C1orf116: variants seen among roughly 807,000 people sequenced by gnomAD.
C1orf116 encodes the protein specifically androgen-regulated gene protein.
C1orf116 carries 12 observed loss-of-function variants against 14.1 expected under a neutral mutation model. That is an observed-to-expected ratio of 0.85 (90% CI 0.54 to 1.38). The LOEUF (loss-of-function observed/expected upper bound fraction) is 1.38. C1orf116 is among the 40% of genes most tolerant of loss of function. The pLI is 0.00. For synonymous variants in C1orf116, 296 were observed against 299.0 expected (o/e 0.99, Z 0.10); for missense variants, 797 against 747.0 (o/e 1.07, Z -0.78).
chr1:207,025,338 C>G (rs1347413063), intron 2 of C1orf116, among the ~76,000 whole-genome samples: 1 of 152,192 alleles, frequency 6.6e-6, no homozygotes, highest in Non-Finnish European at 1.5e-5. Context: ...AGCTCTGGAG[C>G]TGGGCAGGCA....
chr1:207,032,136 C>A (rs1016734158), intron 1 of C1orf116, among the ~76,000 whole-genome samples: 1 of 152,076 alleles, frequency 6.6e-6, no homozygotes, highest in African/African-American at 2.4e-5. Context: ...AAATAAAGAT[C>A]GACACCGAGT....
chr1:207,026,275 G>GC (rs1682070416), intron 2 of C1orf116, among the ~76,000 whole-genome samples: 1 of 152,190 alleles, frequency 6.6e-6, no homozygotes, highest in Non-Finnish European at 1.5e-5. Flanking sequence ...CCCAAATATA[G>GC]CCCCTGGAAG....
chr1:207,024,207 G>A (rs993601809), intron 3 of C1orf116, among the ~76,000 whole-genome samples: 11 of 152,300 alleles, frequency 7.2e-5, no homozygotes, highest in African/African-American at 2.2e-4. Context: ...AAAGCCCTAC[G>A]TCCCCATTTA....
Position 207,022,878 on chromosome 1 carries a change from G to T in C1orf116, c.886C>A (p.Pro296Thr). ...TTAGGTGGCAGCTTCCGGGGCTTAG[G>T]GGTTGTGAGGGGAGCTAGTCGGCTG... is the stretch of plus-strand genomic sequence containing the variant. ...PNSRLAPLTT[P>T]KPRKLPPNIV... Residue 296 changes from proline to threonine, a missense_variant, in exon 4 of 4, where the codon CCT becomes ACT. By Grantham distance (38) the Pro-to-Thr change is conservative (BLOSUM62 -1). Transcript: ENST00000359470. 1 of 1,614,062 alleles carries T rather than the reference G, an allele frequency of 6.2e-7. No homozygotes were observed. Among genetic ancestry groups the T allele is most frequent in the Non-Finnish European group, 8.5e-7 (1 of 1,179,982 alleles).
chr1:207,026,576 A>G (rs1179132548), intron 2 of C1orf116, among the ~76,000 whole-genome samples: 1 of 152,062 alleles, frequency 6.6e-6, no homozygotes, highest in Non-Finnish European at 1.5e-5. Flanking sequence ...TTCTTTCTCT[A>G]CTCTATTTTT....
chr1:207,023,990 A>G (rs986030998), intron 3 of C1orf116, among the ~76,000 whole-genome samples: 1 of 152,236 alleles, frequency 6.6e-6, no homozygotes, highest in Non-Finnish European at 1.5e-5. Context: ...GGCCTCCCAG[A>G]TAACTGAGCC....
chr1:207,023,964 C>T (rs1250280541), intron 3 of C1orf116, among the ~76,000 whole-genome samples: 1 of 152,234 alleles, frequency 6.6e-6, no homozygotes, highest in Admixed American at 6.5e-5. Context: ...TGGGACAGTT[C>T]CTTCTAGCTA....
chr1:207,023,020 G>T lies in C1orf116; in HGVS notation c.744C>A (p.Ser248=). 2.0e-5 allele frequency: 32 copies of T among 1,613,780 alleles called. No individual in the cohort carries two copies. Among genetic ancestry groups the T allele is most frequent in the Non-Finnish European group, 2.7e-5 (32 of 1,180,016 alleles). ...EREQTPSEAM[S]QKAKETVSTR... is the part of the protein sequence containing the mutation. ...TTGAGACTGTTTCCTTGGCTTTTTG[G>T]GACATGGCTTCTGAAGGAGTCTGCT... The change falls in exon 4 of 4, where the codon TCC becomes TCA. Residue 248 remains serine (S), a synonymous_variant. Coordinates refer to ENST00000359470, the MANE Select transcript of C1orf116 (RefSeq NM_023938.6).
At chr1:207,031,839 T>C (rs1558048252) in intron 1 of C1orf116, among the ~76,000 whole-genome samples, 1 of 152,222 alleles carries the variant, frequency 6.6e-6, no homozygotes, top group Non-Finnish European at 1.5e-5. Flanking sequence ...TTCATGTGGG[T>C]GAGGCTCGGC....
Position 207,023,475 on chromosome 1 carries a change from G to A in C1orf116, c.289C>T (p.Pro97Ser). ...PITQPTPRGG[P>S]EETITQQGRT... ...CCTTGCTGAGTGATGGTCTCCTCTG[G>A]ACCTCCTGTGAGGGTCAGAAAGAAC... Residue 97 changes from proline to serine, a missense_variant, in exon 4 of 4, where the codon CCA (proline) becomes TCA (serine). Physicochemically the swap from Pro to Ser is moderately conservative, Grantham distance 74 (BLOSUM62 -1). Coordinates refer to ENST00000359470, the MANE Select transcript of C1orf116 (RefSeq NM_023938.6). 6.2e-7 allele frequency: 1 copy of A among 1,605,010 alleles called. No individual in the cohort carries two copies. The highest frequency in any genetic ancestry group is 8.5e-7 in the Non-Finnish European group (1 of 1,176,170).
rs1454462261 is a variant in C1orf116 at position 207,022,367 on chromosome 1, A to G, written c.1397T>C (p.Leu466Pro). 9.3e-6 allele frequency: 15 copies of G among 1,613,946 alleles called. No individual in the cohort carries two copies. The highest frequency in any genetic ancestry group is 1.3e-5 in the African/African-American group (1 of 74,908). Residue 466 changes from leucine (L) to proline (P), a missense_variant, in exon 4 of 4, where the codon CTC (leucine) becomes CCC (proline). Physicochemically the swap from Leu to Pro is moderately conservative, Grantham distance 98. Coordinates refer to ENST00000359470, the MANE Select transcript of C1orf116 (RefSeq NM_023938.6). ...TPPKPESGLT[L>P]QESNTPGLRQ... ...CAGGCCAGGGGTGTTGCTCTCCTGG[A>G]GAGTCAGCCCTGACTCTGGCTTCGG... is the stretch of plus-strand genomic sequence containing the variant.
At chr1:207,026,152 A>G (rs1204149624) in intron 2 of C1orf116, among the ~76,000 whole-genome samples, 1 of 152,192 alleles carries the variant, frequency 6.6e-6, no homozygotes, top group Non-Finnish European at 1.5e-5. Context: ...GCCAGGAAAG[A>G]TTTTGAGACA....
At position 207,019,398 on chromosome 1, in the gene C1orf116, G is replaced by A. The variant is rs1365760460; in HGVS notation, c.*2560C>T. 1 of 152,176 alleles carries A rather than the reference G, an allele frequency of 6.6e-6. No individual in the cohort carries two copies. Among genetic ancestry groups the A allele is most frequent in the East Asian group, 1.9e-4 (1 of 5,190 alleles). 9.4% of individuals were successfully genotyped at this position (152,176 alleles called of 1,614,324 possible). On this transcript the variant is annotated 3_prime_UTR_variant, in exon 4 of 4. Coordinates refer to ENST00000359470, the MANE Select transcript of C1orf116 (RefSeq NM_023938.6). ...CAAGTGGAAGTAGAGCTGTCGCTTTGATTTTGAAAATCAAATGAATGGCCT... is the reference window on the plus strand; with the variant it reads ...CAAGTGGAAGTAGAGCTGTCGCTTTAATTTTGAAAATCAAATGAATGGCCT...
At position 207,023,209 on chromosome 1, in the gene C1orf116, G is replaced by C; in HGVS notation, c.555C>G (p.Ser185Arg). 6.2e-7 allele frequency: 1 copy of C among 1,609,468 alleles called. No individual in the cohort carries two copies. The highest frequency in any genetic ancestry group is 8.5e-7 in the Non-Finnish European group (1 of 1,177,656). ...CCAAGTCAAGGGCAGCCTCCTGGGGGCTGGCAGGTGCCTGCCTGGGTTGGC... is the reference window on the plus strand; with the variant it reads ...CCAAGTCAAGGGCAGCCTCCTGGGGCCTGGCAGGTGCCTGCCTGGGTTGGC... ...QSSQPRQAPASPQEAALDLDV... is the reference protein window; with the variant it reads ...QSSQPRQAPARPQEAALDLDV... The change falls in exon 4 of 4, where the codon AGC becomes AGG. Residue 185 changes from serine (S) to arginine (R), a missense_variant. Physicochemically the swap from Ser to Arg is moderately radical, Grantham distance 110. Coordinates refer to ENST00000359470, the MANE Select transcript of C1orf116 (RefSeq NM_023938.6).
At chr1:207,024,500 T>C (rs545995948) in intron 3 of C1orf116, among the ~76,000 whole-genome samples, 3 of 152,316 alleles carry the variant, frequency 2.0e-5, no homozygotes, top group African/African-American at 7.2e-5. Context: ...TCTCCTACCC[T>C]TGTCCTCTGT....
intron 3 of C1orf116, 145 bp downstream of exon 3, chr1:207,024,742 G>T: frequency 9.6e-7 from 1 of 1,044,516 alleles, no homozygotes; most frequent in Non-Finnish European, 1.4e-6. Context: ...CTCTGTTCTA[G>T]CCAGGAGAGT....
At chr1:207,031,058 C>T (rs1020323331) in intron 1 of C1orf116, among the ~76,000 whole-genome samples, 1 of 152,142 alleles carries the variant, frequency 6.6e-6, no homozygotes, top group Non-Finnish European at 1.5e-5. Flanking sequence ...TCCCACGAAC[C>T]CCCCACATGT....
At position 207,021,753 on chromosome 1, in the gene C1orf116, C is replaced by T; in HGVS notation, c.*205G>A. ...CCTCCACACACACACCAAACACACA[C>T]ACACACACCCTCTTGTGGAGATCAC... is the stretch of plus-strand genomic sequence containing the variant. On this transcript the variant is annotated 3_prime_UTR_variant, in exon 4 of 4. Coordinates refer to ENST00000359470, the MANE Select transcript of C1orf116 (RefSeq NM_023938.6). The T allele has an allele frequency of 2.1e-6, 1 of 472,572 alleles. No individual in the cohort carries two copies. The highest frequency in any genetic ancestry group is 3.6e-6 in the Non-Finnish European group (1 of 279,252). 29.3% of individuals were successfully genotyped at this position (472,572 alleles called of 1,614,324 possible). A position where few individuals can be genotyped will look rare whatever the true frequency, so the allele number is the denominator to read the frequency against.
rs1359906584 is a variant in C1orf116 at position 207,022,768 on chromosome 1, A to G, written c.996T>C (p.Asp332=). ...GCAGTGAACAGGAGATCAGGCCAGA[A>G]TCTCCAGGGGCAGCCTCAGTGTGGC... The part of the protein sequence containing the change: ...LSRHTEAAPG[D]SGLISCSLQE... Residue 332 remains aspartate, a synonymous_variant, in exon 4 of 4, where the codon GAT becomes GAC. Coordinates refer to ENST00000359470, the MANE Select transcript of C1orf116 (RefSeq NM_023938.6). 11 of 1,614,198 alleles carry G rather than the reference A, an allele frequency of 6.8e-6. No homozygotes were observed. Among genetic ancestry groups the G allele is most frequent in the Non-Finnish European group, 9.3e-6 (11 of 1,180,036 alleles).
Sources: allele counts gnomAD v4.1 joint callset (sites outside exome capture counted in the v4.1 genomes callset), GRCh38; gene constraint gnomAD v4.1.1; transcripts MANE v1.5; gene names NCBI Gene and HGNC (gene_info 2026-07-23, HGNC 2026-07-21).